Variants in GRID1 observed in about 807,000 individuals in gnomAD.
GRID1 encodes the protein glutamate ionotropic receptor delta type subunit 1, also known as glutamate receptor ionotropic, delta-1.
Under a neutral mutation model 98.0 loss-of-function variants are expected in GRID1, and 28 were observed. That is an observed-to-expected ratio of 0.29 (90% CI 0.21 to 0.39). The LOEUF (loss-of-function observed/expected upper bound fraction) is 0.39. Among genes scored for constraint, GRID1 ranks in the 10% least tolerant of loss-of-function variants. GRID1 has a pLI of 1.00. For synonymous variants in GRID1, 553 were observed against 538.5 expected (o/e 1.03, Z -0.37); for missense variants, 1,111 against 1,340.5 (o/e 0.83, Z 2.67).
chr10:85,793,934 C>T (rs1842503753), intron 8 of GRID1, among the ~76,000 whole-genome samples: 1 of 152,112 alleles, frequency 6.6e-6, no homozygotes, highest in Non-Finnish European at 1.5e-5. Flanking sequence ...CTGGAAACAA[C>T]AGAATTAAAC....
chr10:86,122,921 G>A (rs1844699848), intron 4 of GRID1, among the ~76,000 whole-genome samples: 1 of 152,216 alleles, frequency 6.6e-6, no homozygotes, highest in Admixed American at 6.5e-5. Flanking sequence ...GCCCTGCCGT[G>A]CAGGCCTGGG....
At chr10:86,145,709 T>C (rs1845080444) in intron 3 of GRID1, among the ~76,000 whole-genome samples, 1 of 152,194 alleles carries the variant, frequency 6.6e-6, no homozygotes, top group Non-Finnish European at 1.5e-5. Flanking sequence ...TTAATAATAT[T>C]AAACAATATT....
At chr10:86,029,648 T>G (rs1167001721) in intron 4 of GRID1, among the ~76,000 whole-genome samples, 1 of 152,142 alleles carries the variant, frequency 6.6e-6, no homozygotes, top group Non-Finnish European at 1.5e-5. Context: ...ATTAATTATT[T>G]TTAAGCTTTT....
intron 2 of GRID1, among the ~76,000 whole-genome samples, chr10:86,346,289 T>A (rs913511060): frequency 6.6e-6 from 1 of 152,232 alleles, no homozygotes; most frequent in Non-Finnish European, 1.5e-5. Flanking sequence ...CACCACCACC[T>A]GCTTTCTCCA....
At chr10:86,014,219 A>G (rs567495395) in intron 4 of GRID1, among the ~76,000 whole-genome samples, 13 of 152,342 alleles carry the variant, frequency 8.5e-5, no homozygotes, top group African/African-American at 3.1e-4. Context: ...AACATGCCAG[A>G]CATTTATAGG....
chr10:86,097,664 G>T (rs1169357457), intron 4 of GRID1, among the ~76,000 whole-genome samples: 1 of 151,790 alleles, frequency 6.6e-6, no homozygotes, highest in Non-Finnish European at 1.5e-5. Context: ...AAAAAAAAAT[G>T]CATACTATAA....
chr10:85,971,832 A>T (rs1162554587), intron 4 of GRID1, among the ~76,000 whole-genome samples: 4 of 152,134 alleles, frequency 2.6e-5, no homozygotes, highest in Admixed American at 6.5e-5. Context: ...CTGCAATCCC[A>T]TTTCTAGGTA....
intron 2 of GRID1, among the ~76,000 whole-genome samples, chr10:86,288,380 G>T (rs1289583206): frequency 6.6e-6 from 1 of 152,240 alleles, no homozygotes; most frequent in African/African-American, 2.4e-5. Context: ...TGTGTGATCA[G>T]TTACAGTTTT....
At chr10:86,161,391 C>T (rs1845320316) in intron 3 of GRID1, among the ~76,000 whole-genome samples, 1 of 152,022 alleles carries the variant, frequency 6.6e-6, no homozygotes, top group Admixed American at 6.6e-5. Context: ...CAGGCAGCTG[C>T]GGGAAGGGAA....
intron 4 of GRID1, among the ~76,000 whole-genome samples, chr10:86,029,942 C>T (rs1284625525): frequency 6.6e-6 from 1 of 152,172 alleles, no homozygotes; most frequent in East Asian, 1.9e-4. Context: ...TACTATGTTA[C>T]CCTTGCAGGA....
intron 8 of GRID1, among the ~76,000 whole-genome samples, chr10:85,823,195 G>GA (rs965691135): frequency 2.0e-5 from 3 of 150,334 alleles, no homozygotes; most frequent in Admixed American, 6.6e-5. Flanking sequence ...AATAAAAAAA[G>GA]AAAAAAAAAG....
At chr10:86,153,154 C>A (rs188824290) in intron 3 of GRID1, among the ~76,000 whole-genome samples, 1 of 152,122 alleles carries the variant, frequency 6.6e-6, no homozygotes. Context: ...GGTGCCAGGT[C>A]AGGTGGCATC....
At chr10:85,718,077 T>A (rs1398158191) in intron 12 of GRID1, among the ~76,000 whole-genome samples, 1 of 152,192 alleles carries the variant, frequency 6.6e-6, no homozygotes, top group African/African-American at 2.4e-5. Flanking sequence ...GCATTGAGTG[T>A]CTGTGGCTTT....
chr10:85,628,272 ATG>A (rs1252849054), intron 13 of GRID1, among the ~76,000 whole-genome samples: 1 of 151,320 alleles, frequency 6.6e-6, no homozygotes, highest in Non-Finnish European at 1.5e-5. Context: ...ATGTGTGTGA[ATG>A]TATGTGAGGA....
intron 12 of GRID1, among the ~76,000 whole-genome samples, chr10:85,720,172 T>A (rs1250530194): frequency 1.3e-5 from 2 of 152,248 alleles, no homozygotes; most frequent in African/African-American, 4.8e-5. Flanking sequence ...CAGTCCACTA[T>A]TAGAGTCACT....
intron 4 of GRID1, among the ~76,000 whole-genome samples, chr10:86,006,807 A>G (rs1842866174): frequency 6.6e-6 from 1 of 151,862 alleles, no homozygotes; most frequent in Non-Finnish European, 1.5e-5. Context: ...GACAATTAAA[A>G]AAAAAAAAAC....
intron 12 of GRID1, among the ~76,000 whole-genome samples, chr10:85,693,410 A>G (rs1841355188): frequency 6.6e-6 from 1 of 152,196 alleles, no homozygotes; most frequent in African/African-American, 2.4e-5. Context: ...ATATTTATCA[A>G]AAGCAATAGA....
intron 8 of GRID1, among the ~76,000 whole-genome samples, chr10:85,803,249 A>AAC (rs1842593709): frequency 1.3e-5 from 2 of 152,186 alleles, no homozygotes; most frequent in Non-Finnish European, 2.9e-5. Flanking sequence ...ATTGATTTGT[A>AAC]ACACAAAAGA....
At chr10:85,707,919 C>T (rs1405611058) in intron 12 of GRID1, among the ~76,000 whole-genome samples, 1 of 151,600 alleles carries the variant, frequency 6.6e-6, no homozygotes. Context: ...ACAATGAGAA[C>T]ACATGGACAC....
Sources: gnomAD v4.1 joint callset for allele counts (sites outside exome capture counted in the v4.1 genomes callset) on GRCh38, gnomAD v4.1.1 for gene constraint, MANE v1.5 for transcripts, NCBI Gene and HGNC (gene_info 2026-07-23, HGNC 2026-07-21) for gene names.